The following FRMD4B variants were observed in gnomAD, a reference collection of about 807,000 sequenced individuals.
FRMD4B encodes FERM domain containing 4B, also known as FERM domain-containing protein 4B.
Under a neutral mutation model 141.5 loss-of-function variants are expected in FRMD4B, and 74 were observed. The ratio of observed to expected loss-of-function variants is 0.52; its 90% CI spans 0.43 to 0.63. The LOEUF is 0.63. FRMD4B is among the 30% of genes least tolerant of loss of function. The pLI is 0.00. For missense variants in FRMD4B, 1,366 were observed against 1,253.4 expected (o/e 1.09, Z -1.36); for synonymous variants, 506 against 467.9 (o/e 1.08, Z -1.05).
At chr3:69,441,731 G>A (rs942838509) in intron 1 of FRMD4B, among the ~76,000 whole-genome samples, 2 of 152,120 alleles carry the variant, frequency 1.3e-5, no homozygotes, top group Admixed American at 6.6e-5. Context: ...ATGAACTCAC[G>A]TGGATCTCCC....
chr3:69,323,464 A>G (rs1452382091), intron 1 of FRMD4B, among the ~76,000 whole-genome samples: 1 of 151,668 alleles, frequency 6.6e-6, no homozygotes, highest in Non-Finnish European at 1.5e-5. Flanking sequence ...GCTACTTGGG[A>G]GGCTGAGGCA....
intron 2 of FRMD4B, among the ~76,000 whole-genome samples, chr3:69,402,699 G>T (rs1294498045): frequency 6.6e-6 from 1 of 152,134 alleles, no homozygotes; most frequent in Admixed American, 6.5e-5. Context: ...AGATCTCGTG[G>T]ATACCAAATA....
At chr3:69,345,062 G>A (rs1367443081) in intron 1 of FRMD4B, among the ~76,000 whole-genome samples, 1 of 151,836 alleles carries the variant, frequency 6.6e-6, no homozygotes, top group Non-Finnish European at 1.5e-5. Flanking sequence ...GGAAGCACAA[G>A]GGGTCAGGGA....
chr3:69,190,815 C>T (rs1217340172), intron 17 of FRMD4B, among the ~76,000 whole-genome samples: 1 of 152,196 alleles, frequency 6.6e-6, no homozygotes, highest in Non-Finnish European at 1.5e-5. Flanking sequence ...GATTTCCAGC[C>T]TCCCTGGTTG....
intron 1 of FRMD4B, among the ~76,000 whole-genome samples, chr3:69,450,075 G>A (rs996412259): frequency 6.6e-6 from 1 of 152,220 alleles, no homozygotes; most frequent in Non-Finnish European, 1.5e-5. Context: ...AAAATGGGGA[G>A]AACGAGGTCA....
intron 5 of FRMD4B, among the ~76,000 whole-genome samples, chr3:69,280,305 G>A (rs1038689147): frequency 5.9e-5 from 9 of 152,100 alleles, no homozygotes; most frequent in Admixed American, 4.6e-4. Context: ...GCCCTCGCTT[G>A]AACAACAATC....
intron 1 of FRMD4B, among the ~76,000 whole-genome samples, chr3:69,314,138 CAA>C (rs57956106): frequency 7.6e-5 from 1 of 13,176 alleles, no homozygotes; most frequent in African/African-American, 3.8e-4. Context: ...GACTCCGTCT[CAA>C]AAAAAAAAAA....
chr3:69,325,459 A>G (rs1702161885), intron 1 of FRMD4B, among the ~76,000 whole-genome samples: 1 of 152,244 alleles, frequency 6.6e-6, no homozygotes, highest in South Asian at 2.1e-4. Flanking sequence ...AAAGGAAGAA[A>G]GAAAAATAAA....
intron 1 of FRMD4B, among the ~76,000 whole-genome samples, chr3:69,356,109 C>T (rs1048407341): frequency 2.6e-5 from 4 of 152,170 alleles, no homozygotes; most frequent in African/African-American, 4.8e-5. Flanking sequence ...AGGGGGGAAC[C>T]CCATATCCCC....
At chr3:69,172,445 GTTCACTTA>G (rs1463118440) in intron 22 of FRMD4B, among the ~76,000 whole-genome samples, 31 of 152,202 alleles carry the variant, frequency 2.0e-4, no homozygotes, top group African/African-American at 7.5e-4. Context: ...CATCCTGCTA[GTTCACTTA>G]TTAATGAGTT....
At chr3:69,529,511 A>T (rs1256740388) in intron 1 of FRMD4B, among the ~76,000 whole-genome samples, 16 of 152,140 alleles carry the variant, frequency 1.1e-4, no homozygotes, top group Admixed American at 3.9e-4. Flanking sequence ...CTCCCAGGCC[A>T]GAGCTCTTCC....
chr3:69,508,013 A>G (rs1392898179), intron 1 of FRMD4B, among the ~76,000 whole-genome samples: 1 of 152,174 alleles, frequency 6.6e-6, no homozygotes, highest in Non-Finnish European at 1.5e-5. Context: ...ATAACCTTTG[A>G]TTCTTAACTG....
At chr3:69,491,636 T>C (rs920134883) in intron 1 of FRMD4B, among the ~76,000 whole-genome samples, 3 of 152,176 alleles carry the variant, frequency 2.0e-5, no homozygotes, top group Non-Finnish European at 4.4e-5. Context: ...ACAAAACCAA[T>C]CAAATGATGC....
chr3:69,216,045 T>A (rs576772985), intron 11 of FRMD4B, among the ~76,000 whole-genome samples: 3 of 152,122 alleles, frequency 2.0e-5, no homozygotes, highest in African/African-American at 7.2e-5. Context: ...TCCCAGCTAC[T>A]TGGGAGGCTG....
chr3:69,425,897 A>C (rs577196953), intron 2 of FRMD4B, among the ~76,000 whole-genome samples: 1 of 152,284 alleles, frequency 6.6e-6, no homozygotes, highest in Non-Finnish European at 1.5e-5. Flanking sequence ...ACACTATATT[A>C]CCCTCTTATT....
intron 14 of FRMD4B, 145 bp from the exon 15 acceptor site, chr3:69,195,509 T>C: frequency 3.0e-6 from 2 of 666,954 alleles, no homozygotes; most frequent in East Asian, 3.0e-5. Context: ...AAAAGGAAAC[T>C]GGAAAACATT....
chr3:69,433,814 G>T (rs1457952538), intron 1 of FRMD4B, among the ~76,000 whole-genome samples: 2 of 152,184 alleles, frequency 1.3e-5, no homozygotes, highest in East Asian at 1.9e-4. Flanking sequence ...GTAGTACTAA[G>T]ATCAGTATGA....
chr3:69,493,482 T>A (rs79128022), intron 1 of FRMD4B, among the ~76,000 whole-genome samples: 2,788 of 152,248 alleles, frequency 0.018, 86 homozygotes, highest in East Asian at 0.13. Context: ...TTAGACCAGG[T>A]CTGGCTGCTA....
intron 1 of FRMD4B, among the ~76,000 whole-genome samples, chr3:69,485,438 C>A (rs1194838955): frequency 6.6e-6 from 1 of 152,194 alleles, no homozygotes; most frequent in Non-Finnish European, 1.5e-5. Flanking sequence ...CAGATCCGCA[C>A]CCAGGACTTG....
Sources: gnomAD v4.1 joint callset for allele counts (sites outside exome capture counted in the v4.1 genomes callset) on GRCh38, gnomAD v4.1.1 for gene constraint, MANE v1.5 for transcripts, NCBI Gene and HGNC (gene_info 2026-07-23, HGNC 2026-07-21) for gene names.